PISD: variants seen among roughly 807,000 people sequenced by gnomAD.
PISD encodes the protein phosphatidylserine decarboxylase proenzyme, mitochondrial.
In PISD, 31 loss-of-function variants were observed where a neutral mutation model predicts 43.5. The ratio of observed to expected loss-of-function variants is 0.71; its 90% confidence interval spans 0.54 to 0.96. PISD has a LOEUF of 0.96. Among genes scored for constraint, PISD ranks in the 40% least tolerant of loss-of-function variants. The pLI is 0.00. For synonymous variants in PISD, 259 were observed against 228.7 expected (o/e 1.13, Z -1.20); for missense variants, 523 against 548.4 (o/e 0.95, Z 0.46).
intron 1 of PISD, among the ~76,000 whole-genome samples, chr22:31,652,534 T>A (rs911004995): frequency 3.3e-5 from 5 of 151,780 alleles, no homozygotes; most frequent in African/African-American, 1.2e-4. Flanking sequence ...GCTGAGCACA[T>A]GATGGCTCAC....
upstream of PISD, chr22:31,662,432 G>A (rs2074349252): frequency 1.8e-6 from 1 of 566,314 alleles, no homozygotes. Flanking sequence ...CTTGGTCGCA[G>A]CACTGCCACT....
At position 31,621,009 on chromosome 22, in the gene PISD, CCGGTGGGACACAGTCCAGT is replaced by C; in HGVS notation, c.812_830del (p.Asp271GlyfsTer8). ...CCCCGGGCTGACCTGGGAAGTGGCGCCGGTGGGACACAGTCCAGTCGGTGGGGGAGTGGAAGCAGTGGTA... is the reference window on the plus strand; with the variant it reads ...CCCCGGGCTGACCTGGGAAGTGGCGCCGGTGGGGGAGTGGAAGCAGTGGTA... On this transcript the variant is annotated frameshift_variant, in exon 6 of 8. Transcript: ENST00000439502. LOFTEE classifies it high-confidence loss of function. The C allele has an allele frequency of 6.2e-7, 1 of 1,612,792 alleles. No homozygotes were observed. The highest frequency in any genetic ancestry group is 8.5e-7 in the Non-Finnish European group (1 of 1,179,492).
intron 1 of PISD, among the ~76,000 whole-genome samples, chr22:31,656,519 G>A (rs917604802): frequency 7.9e-5 from 12 of 151,546 alleles, no homozygotes; most frequent in Non-Finnish European, 1.5e-4. Flanking sequence ...TGTGGTGGTC[G>A]GTGCCTATAG....
Position 31,621,769 on chromosome 22 carries a change from C to T in PISD, c.438G>A (p.Thr146=), listed in dbSNP as rs140518382. The change falls in exon 4 of 8, where the codon ACG becomes ACA. Residue 146 remains threonine (T), a synonymous_variant. Transcript: ENST00000439502. ...RRPVYSLYIW[T]FGVNMKEAAV... is the part of the protein sequence containing the mutation. ...CGGCCTCTTTCATGTTCACCCCAAA[C>T]GTCCAGATGTACAGGCTGTAGACGG... 23 of 1,614,182 alleles carry T rather than the reference C, an allele frequency of 1.4e-5. No homozygotes were observed. The highest frequency in any genetic ancestry group is 1.6e-4 in the Middle Eastern group (1 of 6,062).
intron 3 of PISD, among the ~76,000 whole-genome samples, chr22:31,634,452 G>A (rs1809621735): frequency 6.6e-6 from 1 of 152,168 alleles, no homozygotes; most frequent in Admixed American, 6.6e-5. Flanking sequence ...AAGATGTCCC[G>A]GATACCCCTG....
At chr22:31,647,901 A>G (rs544303759) in intron 3 of PISD, among the ~76,000 whole-genome samples, 200 bp downstream of exon 3, 1 of 152,346 alleles carries the variant, frequency 6.6e-6, no homozygotes, top group South Asian at 2.1e-4. Context: ...TGGGGAGACC[A>G]GGGTAAGGTC....
chr22:31,649,270 A>G (rs1159022384), intron 2 of PISD, among the ~76,000 whole-genome samples: 1 of 152,178 alleles, frequency 6.6e-6, no homozygotes, highest in African/African-American at 2.4e-5. Context: ...GTCCAAAGGA[A>G]AAATACATTG....
intron 3 of PISD, among the ~76,000 whole-genome samples, chr22:31,643,727 T>C (rs1480548712): frequency 6.6e-6 from 1 of 152,026 alleles, no homozygotes; most frequent in East Asian, 1.9e-4. Context: ...CTGGGCAACA[T>C]GGTGAAACCC....
intron 4 of PISD, 64 bp downstream of exon 4, chr22:31,621,585 G>A: frequency 6.3e-7 from 1 of 1,596,604 alleles, no homozygotes; most frequent in Non-Finnish European, 8.6e-7. Context: ...GGAGACCAGG[G>A]GGGCTGTGCT....
At chr22:31,636,629 T>C (rs2073447088) in intron 3 of PISD, among the ~76,000 whole-genome samples, 1 of 152,014 alleles carries the variant, frequency 6.6e-6, no homozygotes, top group Admixed American at 6.6e-5. Context: ...AAGCTCTGCC[T>C]CCCAGGTTCA....
intron 3 of PISD, among the ~76,000 whole-genome samples, chr22:31,631,044 G>A (rs370490450): frequency 2.0e-5 from 3 of 152,380 alleles, no homozygotes; most frequent in African/African-American, 7.2e-5. Context: ...AGAAGGGGAA[G>A]GGCAGCAGAC....
At chr22:31,631,965 G>A in intron 3 of PISD, among the ~76,000 whole-genome samples, 1 of 152,170 alleles carries the variant, frequency 6.6e-6, no homozygotes, top group East Asian at 1.9e-4. Context: ...CTAGCACTTT[G>A]GGAGGCCAAG....
chr22:31,629,824 G>A (rs548169295), intron 3 of PISD: 1 of 152,134 alleles, frequency 6.6e-6, no homozygotes, highest in Non-Finnish European at 1.5e-5. Context: ...ATGTAGCTTT[G>A]CAGCTTGTGT....
At position 31,621,813 on chromosome 22, in the gene PISD, G is replaced by A. The variant is rs771884397; in HGVS notation, c.394C>T (p.Pro132Ser). The A allele has an allele frequency of 2.3e-5, 37 of 1,613,544 alleles. No individual in the cohort carries two copies. Among genetic ancestry groups the A allele is most frequent in the African/African-American group, 5.3e-5 (4 of 74,942 alleles). Residue 132 changes from proline (P) to serine (S), a missense_variant, in exon 4 of 8, where the codon CCA becomes TCA. Pro to Ser is a moderately conservative substitution (Grantham distance 74). Transcript: ENST00000439502. ...TAGACGGGCCTGCGCAGCCAGTGTG[G>A]CAGCTCCACCTGATTGAGGCGACCC... ...AWGRLNQVEL[P>S]HWLRRPVYSL...
chr22:31,652,461 A>T (rs1487757047), intron 1 of PISD, among the ~76,000 whole-genome samples: 1 of 151,928 alleles, frequency 6.6e-6, no homozygotes, highest in Non-Finnish European at 1.5e-5. Flanking sequence ...TATCCTACAA[A>T]TGTTATCAGA....
At chr22:31,632,967 T>C (rs2073272084) in intron 3 of PISD, among the ~76,000 whole-genome samples, 1 of 152,188 alleles carries the variant, frequency 6.6e-6, no homozygotes, top group Admixed American at 6.5e-5. Flanking sequence ...CAAGAACCTA[T>C]CATCAAGATT....
At chr22:31,625,772 G>GCGC (rs1569483046) in intron 3 of PISD, 1 of 1,592,186 alleles carries the variant, frequency 6.3e-7, no homozygotes, top group Admixed American at 1.7e-5. Context: ...CCATTTCGCC[G>GCGC]CGCGGAGCTC....
intron 3 of PISD, chr22:31,628,818 C>T (rs1190740701): frequency 8.1e-6 from 8 of 985,312 alleles, no homozygotes; most frequent in Middle Eastern, 5.2e-4. Context: ...CCTAGGAGCG[C>T]GACGCAGCCT....
At chr22:31,640,575 G>GTTTT (rs759964791) in intron 3 of PISD, among the ~76,000 whole-genome samples, 7,826 of 90,876 alleles carry the variant, frequency 0.086, 66 homozygotes, top group East Asian at 0.1. Context: ...CGGTTTGGTT[G>GTTTT]TTTTTTTTTT....
Sources: allele counts gnomAD v4.1 joint callset (sites outside exome capture counted in the v4.1 genomes callset), GRCh38; gene constraint gnomAD v4.1.1; transcripts MANE v1.5; gene names NCBI Gene and HGNC (gene_info 2026-07-23, HGNC 2026-07-21).